PUM3: variants seen among roughly 807,000 people sequenced by gnomAD.
PUM3 encodes pumilio RNA binding family member 3.
Under a neutral mutation model 84.0 loss-of-function variants are expected in PUM3, and 91 were observed. The observed-to-expected ratio is 1.08, with a 90% CI of 0.91 to 1.29. The LOEUF (loss-of-function observed/expected upper bound fraction) is 1.29. Among genes scored for constraint, PUM3 ranks in the 50% most tolerant of loss-of-function variants. The probability of loss-of-function intolerance (pLI) is 0.00; values close to 1 mark genes in which losing one functional copy is unlikely to be tolerated. For synonymous variants in PUM3, 321 were observed against 266.7 expected, an observed-to-expected ratio of 1.20 and a Z score of -1.98; for missense variants, 1,067 against 767.5, an observed-to-expected ratio of 1.39 and a Z score of -4.61.
intron 1 of PUM3, among the ~76,000 whole-genome samples, chr9:2,840,135 T>C (rs1318339091): frequency 2.0e-5 from 3 of 152,236 alleles, no homozygotes; most frequent in Non-Finnish European, 4.4e-5. Flanking sequence ...TCAAGCTTTC[T>C]TCTGGTAGTA....
chr9:2,835,099 T>C (rs1010765660), intron 3 of PUM3, among the ~76,000 whole-genome samples: 2 of 151,546 alleles, frequency 1.3e-5, no homozygotes, highest in Non-Finnish European at 2.9e-5. Context: ...TTCTTCTCCA[T>C]ACATGTTTTA....
intron 7 of PUM3, among the ~76,000 whole-genome samples, 200 bp from the exon 8 acceptor site, chr9:2,830,148 C>T (rs908596169): frequency 6.7e-5 from 10 of 149,258 alleles, no homozygotes; most frequent in South Asian, 2.1e-4. Flanking sequence ...CTGTTCTGCT[C>T]GAAAAAAACA....
chr9:2,839,080 T>C (rs1816203538), intron 1 of PUM3, among the ~76,000 whole-genome samples: 2 of 152,240 alleles, frequency 1.3e-5, no homozygotes, highest in Non-Finnish European at 2.9e-5. Flanking sequence ...AGCCAAGCAA[T>C]TGGCAGTGAA....
intron 9 of PUM3, among the ~76,000 whole-genome samples, chr9:2,827,788 C>A (rs1164786502): frequency 2.0e-5 from 3 of 152,184 alleles, no homozygotes; most frequent in Non-Finnish European, 4.4e-5. Context: ...TTTGGAACAA[C>A]CAACCCATTT....
At chr9:2,815,654 A>G (rs1821454226) in intron 13 of PUM3, among the ~76,000 whole-genome samples, 1 of 152,256 alleles carries the variant, frequency 6.6e-6, no homozygotes, top group African/African-American at 2.4e-5. Context: ...CTGCCATAAA[A>G]TAATTATTTC....
chr9:2,841,270 C>G (rs953971176), intron 1 of PUM3, among the ~76,000 whole-genome samples: 7 of 152,114 alleles, frequency 4.6e-5, no homozygotes, highest in African/African-American at 1.7e-4. Context: ...TTTTTTGTAT[C>G]CATTCAAAAT....
intron 1 of PUM3, 70 bp downstream of exon 1, chr9:2,843,975 T>A (rs1726373623): frequency 1.3e-5 from 2 of 153,754 alleles, no homozygotes; most frequent in African/African-American, 4.8e-5. Flanking sequence ...CCGAGAGACC[T>A]TCCCGACTTC....
At chr9:2,825,927 A>G (rs1815807475) in intron 10 of PUM3, among the ~76,000 whole-genome samples, 1 of 152,144 alleles carries the variant, frequency 6.6e-6, no homozygotes, top group Non-Finnish European at 1.5e-5. Flanking sequence ...GTAGGTGCCT[A>G]ATTTCATCAA....
rs149140589 is a variant in PUM3, at chr9:2,807,875, C to T, written c.1753G>A (p.Val585Ile). The T allele has an allele frequency of 1.8e-4, 298 of 1,613,480 alleles. No individual in the cohort carries two copies. In the African/African-American group the frequency reaches 3.6e-3, roughly 19 times the overall value. Residue 585 changes from valine to isoleucine, a missense_variant, in exon 17 of 18, where the codon GTT (valine) becomes ATT (isoleucine). Transcript: ENST00000397885. ...CAGGACTTCAGGTTCTTCATACCAA[C>T]ATGCTCTACAAGTGTTTTTGCAAAA... ...GCFAKTLVEHVGMKNLKSWAS... is the reference protein window; with the variant it reads ...GCFAKTLVEHIGMKNLKSWAS...
intron 3 of PUM3, among the ~76,000 whole-genome samples, chr9:2,834,697 A>T (rs1255456581): frequency 6.6e-6 from 1 of 152,188 alleles, no homozygotes; most frequent in Non-Finnish European, 1.5e-5. Context: ...TGAGCTCTCT[A>T]TCTGAGGCCA....
chr9:2,837,026 G>A (rs1469395441), intron 3 of PUM3, among the ~76,000 whole-genome samples, 154 bp downstream of exon 3: 3 of 152,130 alleles, frequency 2.0e-5, no homozygotes, highest in Non-Finnish European at 4.4e-5. Context: ...AAAATTGTGA[G>A]CATGAAAGAT....
chr9:2,827,300 G>C (rs1318887598), intron 9 of PUM3, 149 bp from the exon 10 acceptor site: 16 of 573,940 alleles, frequency 2.8e-5, no homozygotes, highest in Non-Finnish European at 4.1e-5. Context: ...GTATTTTTCA[G>C]AAATACTAAA....
At chr9:2,823,564 T>G (rs1241580238) in intron 12 of PUM3, among the ~76,000 whole-genome samples, 2 of 152,066 alleles carry the variant, frequency 1.3e-5, no homozygotes, top group African/African-American at 4.8e-5. Flanking sequence ...ACTATCACAA[T>G]ACAATGTTAA....
chr9:2,837,848 T>C (rs556449388), intron 2 of PUM3, among the ~76,000 whole-genome samples: 5 of 152,274 alleles, frequency 3.3e-5, no homozygotes, highest in African/African-American at 1.2e-4. Flanking sequence ...CATAAGGACA[T>C]CTAAAATGTT....
intron 9 of PUM3, among the ~76,000 whole-genome samples, chr9:2,828,180 T>C (rs1026656890): frequency 2.0e-5 from 3 of 152,140 alleles, no homozygotes; most frequent in Non-Finnish European, 4.4e-5. Context: ...TAGCCAAGAC[T>C]ATACACACAT....
chr9:2,837,733 G>C (rs1182041003), intron 2 of PUM3, among the ~76,000 whole-genome samples: 2 of 151,996 alleles, frequency 1.3e-5, no homozygotes, highest in South Asian at 2.1e-4. Flanking sequence ...ATATACCTTT[G>C]TATTCTGCTT....
Position 2,810,411 on chromosome 9 carries a change from A to G in PUM3, c.1656T>C (p.Pro552=). 6.2e-7 allele frequency: 1 copy of G among 1,610,906 alleles called. No homozygotes were observed. Among genetic ancestry groups the G allele is most frequent in the Non-Finnish European group, 8.5e-7 (1 of 1,178,418 alleles). ...KDGELHIAEH[P]AGHLVLKWLI... ...ACCACTTCAGAACTAGATGTCCTGC[A>G]GGATGTTCTGCAATGTGAAGCTATG... The change falls in exon 16 of 18, where the codon CCT becomes CCC. Residue 552 remains proline (P), a synonymous_variant. Transcript: ENST00000397885.
chr9:2,819,899 A>C (rs1821551068), intron 13 of PUM3, 119 bp downstream of exon 13: 1 of 562,288 alleles, frequency 1.8e-6, no homozygotes, highest in Non-Finnish European at 3.2e-6. Context: ...AAAAGTAAGC[A>C]AAAATACTGA....
rs565664019 is a variant in PUM3 at position 2,820,023 on chromosome 9, T to C, written c.1264A>G (p.Ile422Val). ...AGACCATCAGGATTACTTACTGATA[T>C]GATTATCTGCTTCACAAGCTTAGTA... ...DDTKLVKQII[I>V]SEIISSLPSI... The change falls in exon 13 of 18, where the codon ATA (isoleucine) becomes GTA (valine). Residue 422 changes from isoleucine to valine, a missense_variant. Transcript: ENST00000397885. 25 of 1,603,386 alleles carry C rather than the reference T, an allele frequency of 1.6e-5. 2 individuals carry two copies. Among genetic ancestry groups the C allele is most frequent in the South Asian group, 1.3e-4 (12 of 90,642 alleles).
Sources: gnomAD v4.1 joint callset for allele counts (sites outside exome capture counted in the v4.1 genomes callset) on GRCh38, gnomAD v4.1.1 for gene constraint, MANE v1.5 for transcripts, NCBI Gene and HGNC (gene_info 2026-07-23, HGNC 2026-07-21) for gene names.